The following LRRC1 variants were observed in gnomAD, a reference collection of about 807,000 sequenced individuals.
The protein encoded by LRRC1 is leucine rich repeat containing 1.
LRRC1 carries 28 observed loss-of-function variants against 69.9 expected under a neutral mutation model. The ratio of observed to expected loss-of-function variants is 0.40; its 90% CI spans 0.30 to 0.55. The LOEUF is 0.55. Ranked by LOEUF, LRRC1 falls within the 20% of genes least tolerant of loss-of-function variation. LRRC1 has a pLI of 0.47. For missense variants in LRRC1, 498 were observed against 609.0 expected (o/e 0.82, Z 1.92); for synonymous variants, 236 against 240.2 (o/e 0.98, Z 0.16).
intron 2 of LRRC1, among the ~76,000 whole-genome samples, chr6:53,853,400 TCA>T (rs1766206048): frequency 6.6e-6 from 1 of 151,266 alleles, no homozygotes; most frequent in Non-Finnish European, 1.5e-5. Flanking sequence ...TTCTCCTGCC[TCA>T]GCCTCCTGAA....
chr6:53,917,164 G>A (rs544746351), intron 11 of LRRC1, among the ~76,000 whole-genome samples: 34 of 152,178 alleles, frequency 2.2e-4, no homozygotes, highest in Non-Finnish European at 4.9e-4. Flanking sequence ...ACCCAAGAGA[G>A]ACAGAAAAGC....
chr6:53,830,693 A>C (rs1022179441), intron 1 of LRRC1, among the ~76,000 whole-genome samples: 8 of 152,060 alleles, frequency 5.3e-5, no homozygotes, highest in Non-Finnish European at 1.5e-5. Flanking sequence ...TTCAGGGTGC[A>C]AGACTGCCTC....
At chr6:53,801,120 G>A (rs1313633663) in intron 1 of LRRC1, among the ~76,000 whole-genome samples, 1 of 152,184 alleles carries the variant, frequency 6.6e-6, no homozygotes, top group African/African-American at 2.4e-5. Flanking sequence ...AAGATGGCTG[G>A]AAGTTGTATG....
In LRRC1 at chr6:53,860,891, C is replaced by T. The variant is rs75550453; in HGVS notation, c.278-18102C>T. On this transcript the variant is annotated intron_variant, in intron 2 of 13. Transcript: ENST00000370888. ...ACTAAAATGGGCAGGGCAACATGGA[C>T]GGAGCTGGAGGCCACTATCCTACGG... Among the ~76,000 whole-genome samples, 1,311 of 152,184 alleles carry T rather than the reference C, an allele frequency of 8.6e-3. 15 individuals are homozygous for T. Among genetic ancestry groups the T allele is most frequent in the African/African-American group, 0.029 (1,196 of 41,508 alleles).
At chr6:53,882,726 G>A (rs949467478) in intron 3 of LRRC1, among the ~76,000 whole-genome samples, 161 bp from the exon 4 acceptor site, 13 of 152,020 alleles carry the variant, frequency 8.6e-5, no homozygotes, top group South Asian at 2.1e-4. Flanking sequence ...CCTTACAAGC[G>A]TCTTATATAT....
chr6:53,795,484 C>T (rs938419994), intron 1 of LRRC1, 69 bp downstream of exon 1: 4 of 1,467,652 alleles, frequency 2.7e-6, no homozygotes, highest in Non-Finnish European at 3.6e-6. Flanking sequence ...CATCCTCTCT[C>T]GTCCCCTCTT....
chr6:53,870,345 T>C (rs975883093), intron 2 of LRRC1, among the ~76,000 whole-genome samples: 1 of 152,228 alleles, frequency 6.6e-6, no homozygotes, highest in African/African-American at 2.4e-5. Flanking sequence ...CTTTTCCCTG[T>C]GCTTCTTTGA....
chr6:53,905,333 C>CAAAAA (rs748526111), intron 10 of LRRC1: 2 of 71,258 alleles, frequency 2.8e-5, no homozygotes, highest in African/African-American at 4.9e-5. Flanking sequence ...GACTCTATCT[C>CAAAAA]AAAAAAAAAA....
chr6:53,869,165 C>T (rs1306754959), intron 2 of LRRC1, among the ~76,000 whole-genome samples: 1 of 152,076 alleles, frequency 6.6e-6, no homozygotes, highest in African/African-American at 2.4e-5. Context: ...ATTTAAGAGG[C>T]TATTGTCATC....
At position 53,795,153 on chromosome 6, in the gene LRRC1, G is replaced by A. The variant is rs1041634765; in HGVS notation, c.-104G>A. 1.9e-6 allele frequency: 2 copies of A among 1,040,218 alleles called. No homozygotes were observed. The highest frequency in any genetic ancestry group is 1.7e-5 in the South Asian group (1 of 59,680). 64.4% of individuals were successfully genotyped at this position (1,040,218 alleles called of 1,614,324 possible). On this transcript the variant is annotated 5_prime_UTR_variant, in exon 1 of 14. Coordinates refer to ENST00000370888, the MANE Select transcript of LRRC1 (RefSeq NM_018214.5). ...GCGAGCTAACCCAAGAGCCAACAAC[G>A]AGCGCGGAGAGGGCAGCGGACTGAG...
chr6:53,896,793 A>G (rs1269099994), intron 5 of LRRC1, 36 bp from the exon 6 acceptor site: 2 of 1,338,730 alleles, frequency 1.5e-6, no homozygotes, highest in Non-Finnish European at 2.1e-6. Context: ...ATTTCTAAGT[A>G]TTCTCTAAGT....
intron 11 of LRRC1, among the ~76,000 whole-genome samples, chr6:53,916,858 TG>T (rs1176911185): frequency 6.6e-6 from 1 of 152,144 alleles, no homozygotes; most frequent in African/African-American, 2.4e-5. Flanking sequence ...GAAGGTCACT[TG>T]GGGCTGGGTT....
rs1767994171 is a variant in LRRC1, at chr6:53,899,910, T to C, written c.787+19T>C. On this transcript the variant is annotated intron_variant, in intron 8 of 13. Transcript: ENST00000370888. ...GGCATTGGTAAGCATTGGAAATCAC[T>C]AACTGCTAAACATACTGCCTGCCGT... 6.2e-7 allele frequency: 1 copy of C among 1,610,552 alleles called. No individual in the cohort carries two copies. The highest frequency in any genetic ancestry group is 8.5e-7 in the Non-Finnish European group (1 of 1,177,894).
chr6:53,892,391 ATC>A, intron 4 of LRRC1, among the ~76,000 whole-genome samples: 1 of 152,326 alleles, frequency 6.6e-6, no homozygotes, highest in Admixed American at 6.5e-5. Flanking sequence ...TCTTTCTCGT[ATC>A]TCTGTAATAC....
chr6:53,885,313 G>A (rs1767437765), intron 4 of LRRC1, among the ~76,000 whole-genome samples: 2 of 152,188 alleles, frequency 1.3e-5, no homozygotes, highest in Non-Finnish European at 2.9e-5. Context: ...TTTCCTTGTG[G>A]CAAGGCTTCA....
At position 53,849,014 on chromosome 6, in the gene LRRC1, C is replaced by A. The variant is rs565683635; in HGVS notation, c.277+6787C>A. 7.9e-5 allele frequency among the ~76,000 whole-genome samples: 12 copies of A among 151,634 alleles called. No homozygotes were observed. The South Asian group carries it at 2.3e-3, about 29-fold the overall frequency. ...TTAGGTGATCCACCCACCTCAGCCT[C>A]CCAAAGTGCTGGGATTACAGGCGTG... On this transcript the variant is annotated intron_variant, in intron 2 of 13. Coordinates refer to ENST00000370888, the MANE Select transcript of LRRC1 (RefSeq NM_018214.5).
At chr6:53,893,262 G>C (rs560100509) in intron 4 of LRRC1, among the ~76,000 whole-genome samples, 1 of 152,134 alleles carries the variant, frequency 6.6e-6, no homozygotes, top group East Asian at 1.9e-4. Context: ...TTTATTTTAG[G>C]GAAAATCGAG....
At chr6:53,820,588 TC>T (rs1383260125) in intron 1 of LRRC1, among the ~76,000 whole-genome samples, 1 of 151,596 alleles carries the variant, frequency 6.6e-6, no homozygotes, top group Non-Finnish European at 1.5e-5. Flanking sequence ...CGTTTTAACC[TC>T]CCCGCCCCCA....
chr6:53,916,200 C>T (rs1034187342), intron 11 of LRRC1, among the ~76,000 whole-genome samples: 7 of 152,182 alleles, frequency 4.6e-5, no homozygotes, highest in African/African-American at 1.4e-4. Flanking sequence ...GGAATATCCA[C>T]CAAGTGTGCA....
Sources: gnomAD v4.1 joint callset for allele counts (sites outside exome capture counted in the v4.1 genomes callset) on GRCh38, gnomAD v4.1.1 for gene constraint, MANE v1.5 for transcripts, NCBI Gene and HGNC (gene_info 2026-07-23, HGNC 2026-07-21) for gene names.